Variants in HPSE observed in about 807,000 individuals in gnomAD.
The protein encoded by HPSE is heparanase.
In HPSE, 48 loss-of-function variants were observed where a neutral mutation model predicts 65.1. The observed-to-expected ratio is 0.74, with a 90% CI of 0.58 to 0.94. The LOEUF (loss-of-function observed/expected upper bound fraction) is 0.94, where lower values mean the gene tolerates loss of function less well. HPSE is among the 40% of genes least tolerant of loss of function. The pLI is 0.00. For synonymous variants in HPSE, 243 were observed against 260.0 expected (o/e 0.93, Z 0.63); for missense variants, 644 against 637.5 (o/e 1.01, Z -0.11).
intron 9 of HPSE, among the ~76,000 whole-genome samples, chr4:83,302,799 C>T (rs551251057): frequency 2.6e-5 from 4 of 152,110 alleles, no homozygotes; most frequent in Admixed American, 1.3e-4. Context: ...CATGATGAAA[C>T]CCCTTCTGTA....
At chr4:83,308,405 A>G (rs560344581) in intron 8 of HPSE, among the ~76,000 whole-genome samples, 20 of 152,106 alleles carry the variant, frequency 1.3e-4, no homozygotes, top group Non-Finnish European at 2.6e-4. Flanking sequence ...AAAAAAAAAG[A>G]CAGTCTCACT....
intron 8 of HPSE, among the ~76,000 whole-genome samples, chr4:83,307,377 A>C (rs1331895486): frequency 6.6e-6 from 1 of 152,134 alleles, no homozygotes; most frequent in Non-Finnish European, 1.5e-5. Context: ...ATCAATTATA[A>C]ATAAGTCATT....
intron 9 of HPSE, 31 bp from the exon 10 acceptor site, chr4:83,302,299 A>T: frequency 7.2e-7 from 1 of 1,396,304 alleles, no homozygotes; most frequent in Non-Finnish European, 1.0e-6. Flanking sequence ...GAAAGAGACA[A>T]AAATAGATGT....
intron 1 of HPSE, among the ~76,000 whole-genome samples, chr4:83,323,970 C>T (rs947705334): frequency 6.6e-6 from 1 of 152,186 alleles, no homozygotes; most frequent in Non-Finnish European, 1.5e-5. Flanking sequence ...ATGCTGGCCA[C>T]ACTGCTTCCT....
chr4:83,321,636 A>G (rs1736896953), intron 2 of HPSE, among the ~76,000 whole-genome samples: 1 of 152,142 alleles, frequency 6.6e-6, no homozygotes, highest in Admixed American at 6.5e-5. Flanking sequence ...ATACGATTTA[A>G]CTTCCATTTG....
intron 1 of HPSE, among the ~76,000 whole-genome samples, chr4:83,333,235 G>A (rs1317711963): frequency 6.6e-6 from 1 of 152,180 alleles, no homozygotes; most frequent in Non-Finnish European, 1.5e-5. Context: ...GTCAAACACT[G>A]AGAAGCTCTT....
intron 4 of HPSE, 92 bp from the exon 5 acceptor site, chr4:83,310,982 CA>C: frequency 9.3e-7 from 1 of 1,070,512 alleles, no homozygotes. Context: ...AAACATTTTC[CA>C]AATTACAAAA....
Position 83,318,593 on chromosome 4 carries a change from C to T in HPSE, c.499+751G>A, listed in dbSNP as rs981022787. ...AGGAACTGAATAATCAAATATTCCT[C>T]ATAATGAATAGGAGGCTAAGGCAGG... is the stretch of plus-strand genomic sequence containing the variant. On this transcript the variant is annotated intron_variant, in intron 3 of 11. Coordinates refer to ENST00000311412, the MANE Select transcript of HPSE (RefSeq NM_001098540.3). Among the ~76,000 whole-genome samples the T allele has an allele frequency of 5.3e-5, 8 of 151,644 alleles. No homozygotes were observed. The Admixed American group carries it at 5.3e-4, about 10-fold the overall frequency.
chr4:83,304,781 T>G (rs1736090935), intron 9 of HPSE, among the ~76,000 whole-genome samples: 1 of 152,228 alleles, frequency 6.6e-6, no homozygotes, highest in African/African-American at 2.4e-5. Flanking sequence ...TCTGCTTAAA[T>G]TCCACTTTTT....
At position 83,320,648 on chromosome 4, in the gene HPSE, G is replaced by A. The variant is rs755615950; in HGVS notation, c.374-1179C>T. On this transcript the variant is annotated intron_variant, in intron 2 of 11. Coordinates refer to ENST00000311412, the MANE Select transcript of HPSE (RefSeq NM_001098540.3). ...TTTATCACAAGACAGCAGGGTTGCC[G>A]GGTGCTGGCTGCCAGGGCCGGCTGA... 3.9e-5 allele frequency among the ~76,000 whole-genome samples: 6 copies of A among 152,250 alleles called. No individual in the cohort carries two copies. The East Asian group carries it at 7.7e-4, about 20-fold the overall frequency.
At chr4:83,330,846 A>C (rs1737335824) in intron 1 of HPSE, among the ~76,000 whole-genome samples, 1 of 152,168 alleles carries the variant, frequency 6.6e-6, no homozygotes, top group East Asian at 1.9e-4. Context: ...TCTTAATTGA[A>C]ATGCAGATCT....
chr4:83,302,116 T>C (rs1251968128), intron 10 of HPSE, 34 bp downstream of exon 10: 1 of 1,440,980 alleles, frequency 6.9e-7, no homozygotes, highest in Non-Finnish European at 9.8e-7. Flanking sequence ...CCACTAAAAC[T>C]TGATGATTGG....
At chr4:83,307,731 T>A (rs1736196543) in intron 8 of HPSE, among the ~76,000 whole-genome samples, 1 of 152,208 alleles carries the variant, frequency 6.6e-6, no homozygotes. Flanking sequence ...AACATCTCCA[T>A]TCTTTATTCC....
chr4:83,312,115 T>A (rs1736403064), intron 4 of HPSE, among the ~76,000 whole-genome samples: 1 of 152,092 alleles, frequency 6.6e-6, no homozygotes. Flanking sequence ...AAGGGATGAA[T>A]AAAACAAACT....
At chr4:83,308,251 T>C (rs922605402) in intron 8 of HPSE, among the ~76,000 whole-genome samples, 2 of 152,192 alleles carry the variant, frequency 1.3e-5, no homozygotes, top group African/African-American at 4.8e-5. Flanking sequence ...CTACTAAAAA[T>C]ACAAAAATTA....
intron 1 of HPSE, among the ~76,000 whole-genome samples, chr4:83,324,738 AC>A (rs1350811626): frequency 6.6e-6 from 1 of 152,164 alleles, no homozygotes; most frequent in African/African-American, 2.4e-5. Context: ...TTTGGTACAA[AC>A]CCAAATAAAA....
At chr4:83,334,008 C>T (rs1285866128) in intron 1 of HPSE, among the ~76,000 whole-genome samples, 1 of 152,142 alleles carries the variant, frequency 6.6e-6, no homozygotes, top group East Asian at 1.9e-4. Flanking sequence ...GGTTTCCCTC[C>T]TCTTGGCTAG....
chr4:83,294,432 C>G lies in HPSE; in HGVS notation c.*912G>C, dbSNP rs974138638. 1 of 152,170 alleles carries G rather than the reference C, an allele frequency of 6.6e-6. No homozygotes were observed. The highest frequency in any genetic ancestry group is 1.5e-5 in the Non-Finnish European group (1 of 68,056). 9.4% of individuals were successfully genotyped at this position (152,170 alleles called of 1,614,324 possible). On this transcript the variant is annotated 3_prime_UTR_variant, in exon 12 of 12. Transcript: ENST00000311412. Reference sequence around the variant, plus strand: ...TGTCCCCACAGGTATTATAGTCTTTCGCTGACTAGCAACACTGCACAGAGG... The same window carrying G: ...TGTCCCCACAGGTATTATAGTCTTTGGCTGACTAGCAACACTGCACAGAGG...
chr4:83,296,965 G>T (rs1217526104), intron 11 of HPSE, among the ~76,000 whole-genome samples: 1 of 152,074 alleles, frequency 6.6e-6, no homozygotes, highest in African/African-American at 2.4e-5. Flanking sequence ...GGTCCACCAT[G>T]GACCGCATAT....
Sources: gnomAD v4.1 joint callset for allele counts (sites outside exome capture counted in the v4.1 genomes callset) on GRCh38, gnomAD v4.1.1 for gene constraint, MANE v1.5 for transcripts, NCBI Gene and HGNC (gene_info 2026-07-23, HGNC 2026-07-21) for gene names.